The following ROBO1 variants were observed in gnomAD, a reference collection of about 807,000 sequenced individuals.
ROBO1 encodes roundabout guidance receptor 1.
ROBO1 carries 149 observed loss-of-function variants against 195.9 expected under a neutral mutation model. The ratio of observed to expected loss-of-function variants is 0.76; its 90% CI spans 0.67 to 0.87. The LOEUF (loss-of-function observed/expected upper bound fraction) is 0.87. Among genes scored for constraint, ROBO1 ranks in the 40% least tolerant of loss-of-function variants. ROBO1 has a pLI of 0.00. For missense variants in ROBO1, 1,933 were observed against 2,068.3 expected (o/e 0.93, Z 1.27); for synonymous variants, 816 against 733.2 (o/e 1.11, Z -1.82).
intron 4 of ROBO1, among the ~76,000 whole-genome samples, chr3:78,761,406 C>T (rs1181110010): frequency 6.6e-6 from 1 of 152,086 alleles, no homozygotes; most frequent in Non-Finnish European, 1.5e-5. Flanking sequence ...GGTTTTACTT[C>T]TCCACAAAAA....
chr3:79,016,608 G>C (rs2108246384), intron 3 of ROBO1, among the ~76,000 whole-genome samples: 1 of 152,258 alleles, frequency 6.6e-6, no homozygotes, highest in East Asian at 1.9e-4. Context: ...CTTCCAAGTT[G>C]ACACGACCAA....
intron 1 of ROBO1, among the ~76,000 whole-genome samples, chr3:79,734,413 C>A (rs1455700732): frequency 2.6e-5 from 4 of 152,184 alleles, no homozygotes; most frequent in African/African-American, 9.7e-5. Flanking sequence ...ACTATCTGTA[C>A]TTTATTTGTG....
chr3:79,379,262 C>T (rs1028423490), intron 2 of ROBO1, among the ~76,000 whole-genome samples: 14 of 152,194 alleles, frequency 9.2e-5, no homozygotes, highest in African/African-American at 3.4e-4. Flanking sequence ...GATGAAATAA[C>T]GTATTCCATT....
chr3:78,947,901 A>G (rs972819442), intron 3 of ROBO1, among the ~76,000 whole-genome samples: 1 of 152,144 alleles, frequency 6.6e-6, no homozygotes, highest in Non-Finnish European at 1.5e-5. Flanking sequence ...ACACCTCTAC[A>G]CAAATAAACT....
At chr3:78,776,315 G>C (rs1044603737) in intron 4 of ROBO1, among the ~76,000 whole-genome samples, 1 of 152,032 alleles carries the variant, frequency 6.6e-6, no homozygotes, top group Admixed American at 6.6e-5. Flanking sequence ...GCAATGGCAC[G>C]ATCTCGGCCC....
intron 8 of ROBO1, among the ~76,000 whole-genome samples, chr3:78,702,582 C>T (rs77723681): frequency 0.035 from 5,371 of 152,232 alleles, 133 homozygotes; most frequent in Non-Finnish European, 0.054. Context: ...AATGTGCTAT[C>T]TCTCAATGAT....
At chr3:79,320,226 G>A (rs545949250) in intron 2 of ROBO1, among the ~76,000 whole-genome samples, 9 of 152,256 alleles carry the variant, frequency 5.9e-5, no homozygotes, top group South Asian at 4.1e-4. Flanking sequence ...ATGCTTGCAC[G>A]GTGGAGTATG....
At chr3:79,056,489 C>A (rs999285902) in intron 3 of ROBO1, among the ~76,000 whole-genome samples, 2 of 151,982 alleles carry the variant, frequency 1.3e-5, no homozygotes, top group African/African-American at 4.8e-5. Flanking sequence ...GAAGGGTGGT[C>A]GATAAACAAC....
intron 2 of ROBO1, among the ~76,000 whole-genome samples, chr3:79,566,578 G>A (rs375791741): frequency 1.3e-5 from 2 of 152,052 alleles, no homozygotes; most frequent in African/African-American, 4.8e-5. Flanking sequence ...CAGAGAGGGG[G>A]GATCCCACAG....
At chr3:79,079,679 T>G (rs1047160237) in intron 3 of ROBO1, among the ~76,000 whole-genome samples, 11 of 151,746 alleles carry the variant, frequency 7.2e-5, no homozygotes, top group African/African-American at 2.4e-4. Context: ...AAACAAAAAT[T>G]TAAATCAAAC....
intron 4 of ROBO1, among the ~76,000 whole-genome samples, chr3:78,911,796 G>A (rs2038258333): frequency 6.6e-6 from 1 of 151,994 alleles, no homozygotes; most frequent in Admixed American, 6.6e-5. Context: ...AATATACACA[G>A]AATCTAACAA....
At chr3:79,359,118 G>C (rs1185188856) in intron 2 of ROBO1, among the ~76,000 whole-genome samples, 2 of 151,914 alleles carry the variant, frequency 1.3e-5, no homozygotes, top group Non-Finnish European at 1.5e-5. Flanking sequence ...AAAAATGCTT[G>C]TACCAACTGA....
At chr3:79,577,458 T>A (rs1016495557) in intron 2 of ROBO1, among the ~76,000 whole-genome samples, 1 of 152,170 alleles carries the variant, frequency 6.6e-6, no homozygotes, top group East Asian at 1.9e-4. Flanking sequence ...TATATTGGAC[T>A]TCATTGAAAT....
At chr3:79,740,566 A>G (rs982547595) in intron 1 of ROBO1, among the ~76,000 whole-genome samples, 1 of 152,092 alleles carries the variant, frequency 6.6e-6, no homozygotes, top group Non-Finnish European at 1.5e-5. Flanking sequence ...CAGGACTGAG[A>G]ATGAGTGCCG....
At chr3:79,168,207 A>G (rs901398628) in intron 2 of ROBO1, among the ~76,000 whole-genome samples, 2 of 152,178 alleles carry the variant, frequency 1.3e-5, no homozygotes, top group African/African-American at 2.4e-5. Flanking sequence ...AAGAGCCAAC[A>G]GTGACAGTTT....
chr3:79,125,351 G>T (rs1032683524), intron 3 of ROBO1, 105 bp downstream of exon 3: 1 of 890,126 alleles, frequency 1.1e-6, no homozygotes, highest in Admixed American at 2.1e-5. Context: ...GTGGTTGTTA[G>T]CTGGAAGCAG....
chr3:78,880,009 C>T (rs1450405733), intron 4 of ROBO1, among the ~76,000 whole-genome samples: 1 of 152,072 alleles, frequency 6.6e-6, no homozygotes, highest in African/African-American at 2.4e-5. Context: ...ATAATGTATA[C>T]ATGACCCTAC....
chr3:79,081,531 C>A (rs184074419), intron 3 of ROBO1, among the ~76,000 whole-genome samples: 1 of 152,240 alleles, frequency 6.6e-6, no homozygotes, highest in African/African-American at 2.4e-5. Flanking sequence ...TCCACATTTG[C>A]CCTGGGGATT....
rs115078535 is a variant in ROBO1 at position 79,765,080 on chromosome 3, A to G, written c.-51+2672T>C. Among the ~76,000 whole-genome samples the G allele has an allele frequency of 9.7e-3, 1,479 of 152,322 alleles. 18 individuals carry two copies. The highest frequency in any genetic ancestry group is 0.031 in the African/African-American group (1,281 of 41,556). Reference sequence around the variant, plus strand: ...GAAGTAAAAGGAAGTAAATAGGAAAATACAACAAACATGTGATTAACAGCT... The same window carrying G: ...GAAGTAAAAGGAAGTAAATAGGAAAGTACAACAAACATGTGATTAACAGCT... On this transcript the variant is annotated intron_variant, in intron 1 of 30. Coordinates refer to ENST00000464233, the MANE Select transcript of ROBO1 (RefSeq NM_002941.4).
Sources: gnomAD v4.1 joint callset for allele counts (sites outside exome capture counted in the v4.1 genomes callset) on GRCh38, gnomAD v4.1.1 for gene constraint, MANE v1.5 for transcripts, NCBI Gene and HGNC (gene_info 2026-07-23, HGNC 2026-07-21) for gene names.